Variants in NRXN1 observed in about 807,000 individuals in gnomAD.
NRXN1 encodes the protein neurexin-1.
A neutral mutation model predicts 150.9 loss-of-function variants in NRXN1; 39 were observed. That is an observed-to-expected ratio of 0.26 (90% confidence interval 0.20 to 0.34). The LOEUF is 0.34. Ranked by LOEUF, NRXN1 falls within the 10% of genes least tolerant of loss-of-function variation. The pLI is 1.00. For synonymous variants in NRXN1, 924 were observed against 757.0 expected (o/e 1.22, Z -3.62); for missense variants, 1,815 against 1,949.9 (o/e 0.93, Z 1.30).
At chr2:50,837,185 T>A (rs1237666373) in intron 5 of NRXN1, among the ~76,000 whole-genome samples, 1 of 152,150 alleles carries the variant, frequency 6.6e-6, no homozygotes, top group Non-Finnish European at 1.5e-5. Context: ...GAAAAATGTA[T>A]AATAATTCTT....
chr2:50,594,445 C>T (rs886524184), intron 8 of NRXN1, among the ~76,000 whole-genome samples: 3 of 152,004 alleles, frequency 2.0e-5, no homozygotes, highest in South Asian at 2.1e-4. Context: ...CACCTGTAGG[C>T]GTAAGTATGG....
intron 5 of NRXN1, among the ~76,000 whole-genome samples, chr2:50,713,688 C>CA (rs201805301): frequency 1.0e-3 from 149 of 149,482 alleles, no homozygotes; most frequent in East Asian, 4.1e-3. Context: ...ACTTCGCAAA[C>CA]AAAAAAAAAC....
At chr2:50,093,737 C>G (rs1422390493) in intron 18 of NRXN1, among the ~76,000 whole-genome samples, 2 of 152,168 alleles carry the variant, frequency 1.3e-5, no homozygotes, top group Non-Finnish European at 2.9e-5. Flanking sequence ...AATACTAACT[C>G]TGGTATTCTT....
chr2:50,618,011 A>C (rs574869445), intron 8 of NRXN1, among the ~76,000 whole-genome samples: 18 of 152,286 alleles, frequency 1.2e-4, no homozygotes, highest in African/African-American at 4.1e-4. Context: ...TATTATTTGG[A>C]TGCCCAAGAG....
intron 8 of NRXN1, among the ~76,000 whole-genome samples, chr2:50,584,548 G>A (rs1452677157): frequency 6.6e-6 from 1 of 152,044 alleles, no homozygotes; most frequent in Admixed American, 6.6e-5. Context: ...AGGAATAAAT[G>A]GGCAGCTATT....
At chr2:50,222,632 C>G (rs2063985261) in intron 18 of NRXN1, among the ~76,000 whole-genome samples, 1 of 151,716 alleles carries the variant, frequency 6.6e-6, no homozygotes, top group Admixed American at 6.6e-5. Flanking sequence ...TTAAAATACC[C>G]ATCATTAGGG....
intron 17 of NRXN1, among the ~76,000 whole-genome samples, chr2:50,411,058 C>A (rs2083119081): frequency 6.6e-6 from 1 of 151,946 alleles, no homozygotes; most frequent in South Asian, 2.1e-4. Flanking sequence ...CCCCGTCCCT[C>A]TCCCTCTCCT....
At chr2:50,533,539 AT>A in intron 10 of NRXN1, among the ~76,000 whole-genome samples, 1 of 152,174 alleles carries the variant, frequency 6.6e-6, no homozygotes, top group Admixed American at 6.5e-5. Context: ...TCTAATTCCA[AT>A]CCACATTCTG....
chr2:50,579,120 C>T (rs1019220660), intron 8 of NRXN1, among the ~76,000 whole-genome samples: 6 of 152,196 alleles, frequency 3.9e-5, no homozygotes, highest in African/African-American at 1.2e-4. Context: ...TCATAAACCC[C>T]ATCCACAAAC....
intron 5 of NRXN1, among the ~76,000 whole-genome samples, chr2:50,845,752 T>A (rs1014350760): frequency 6.6e-6 from 1 of 152,218 alleles, no homozygotes; most frequent in African/African-American, 2.4e-5. Context: ...CCCCACATAA[T>A]TCTGATATGC....
chr2:50,091,196 T>C, intron 19 of NRXN1, 127 bp downstream of exon 19: 2 of 1,081,144 alleles, frequency 1.8e-6, no homozygotes, highest in South Asian at 1.3e-5. Flanking sequence ...CACATGACTC[T>C]AAAGTCCAAT....
At chr2:50,410,649 T>A (rs2083081721) in intron 17 of NRXN1, among the ~76,000 whole-genome samples, 1 of 151,958 alleles carries the variant, frequency 6.6e-6, no homozygotes, top group South Asian at 2.1e-4. Context: ...TTGCTAACAC[T>A]CCCATGCTAA....
intron 5 of NRXN1, among the ~76,000 whole-genome samples, chr2:50,648,317 T>C (rs905746595): frequency 1.3e-5 from 2 of 152,050 alleles, no homozygotes; most frequent in Non-Finnish European, 2.9e-5. Flanking sequence ...AGAAAGTATT[T>C]TCCATCATGC....
At chr2:49,923,104 AATG>A (rs1236379403) in intron 22 of NRXN1, among the ~76,000 whole-genome samples, 1 of 152,152 alleles carries the variant, frequency 6.6e-6, no homozygotes, top group Non-Finnish European at 1.5e-5. Flanking sequence ...GGATGAGACC[AATG>A]GATTTTGGGG....
chr2:50,265,145 G>A (rs1574826887), intron 17 of NRXN1, among the ~76,000 whole-genome samples: 1 of 151,942 alleles, frequency 6.6e-6, no homozygotes, highest in African/African-American at 2.4e-5. Flanking sequence ...TCCATTTCTG[G>A]GGGACTTTTC....
chr2:50,476,882 C>A (rs369913231), intron 15 of NRXN1, among the ~76,000 whole-genome samples: 1 of 151,862 alleles, frequency 6.6e-6, no homozygotes, highest in Non-Finnish European at 1.5e-5. Context: ...TGACACAAAG[C>A]GATTAAGAGG....
At chr2:50,350,959 A>C (rs2078367860) in intron 17 of NRXN1, among the ~76,000 whole-genome samples, 1 of 152,202 alleles carries the variant, frequency 6.6e-6, no homozygotes, top group African/African-American at 2.4e-5. Flanking sequence ...TGATACGGAT[A>C]CAGCAATATT....
At chr2:50,812,260 G>C (rs914092113) in intron 5 of NRXN1, among the ~76,000 whole-genome samples, 2 of 152,120 alleles carry the variant, frequency 1.3e-5, no homozygotes, top group Non-Finnish European at 2.9e-5. Flanking sequence ...ACTTTGTCTA[G>C]CAACATGTTC....
chr2:50,428,466 G>C (rs893921711), intron 17 of NRXN1, among the ~76,000 whole-genome samples: 2 of 152,194 alleles, frequency 1.3e-5, no homozygotes, highest in African/African-American at 4.8e-5. Flanking sequence ...CATTTTCATT[G>C]AGAGACACAT....
Sources: gnomAD v4.1 joint callset for allele counts (sites outside exome capture counted in the v4.1 genomes callset) on GRCh38, gnomAD v4.1.1 for gene constraint, MANE v1.5 for transcripts, NCBI Gene and HGNC (gene_info 2026-07-23, HGNC 2026-07-21) for gene names.